The following BAG3 variants were observed in gnomAD, a reference collection of about 807,000 sequenced individuals.
The protein encoded by BAG3 is BAG cochaperone 3, also known as BAG family molecular chaperone regulator 3.
A neutral mutation model predicts 40.5 loss-of-function variants in BAG3; 14 were observed. The ratio of observed to expected loss-of-function variants is 0.35; its 90% CI spans 0.23 to 0.54. The LOEUF (loss-of-function observed/expected upper bound fraction) is 0.54, where lower values mean the gene tolerates loss of function less well. BAG3 is among the 20% of genes least tolerant of loss of function. BAG3 has a pLI of 0.91. For missense variants in BAG3, 788 were observed against 758.6 expected (o/e 1.04, Z -0.46); for synonymous variants, 302 against 307.8 (o/e 0.98, Z 0.20).
At position 119,651,415 on chromosome 10, in the gene BAG3, C is replaced by G. The variant is rs892192728; in HGVS notation, c.-261C>G. On this transcript the variant is annotated 5_prime_UTR_variant, in exon 1 of 4. Coordinates refer to ENST00000369085, the MANE Select transcript of BAG3 (RefSeq NM_004281.4). ...CCGGGCCGCGGCCAACTTCTCTGGACTGGACCAGAAGTTTCTAGCCGGCCA... is the reference window on the plus strand; with the variant it reads ...CCGGGCCGCGGCCAACTTCTCTGGAGTGGACCAGAAGTTTCTAGCCGGCCA... 9.0e-5 allele frequency: 34 copies of G among 378,558 alleles called. No individual in the cohort carries two copies. The East Asian group carries it at 1.5e-3, about 16-fold the overall frequency. The allele number at this position is 378,558 out of a possible 1,614,324, so 23.4% of individuals were successfully genotyped here.
chr10:119,662,215 G>GT (rs367864009), intron 1 of BAG3, among the ~76,000 whole-genome samples: 17,308 of 89,352 alleles, frequency 0.19, 2,552 homozygotes, highest in Non-Finnish European at 0.23. Context: ...GCCTGGCTAT[G>GT]TTTTTTTTTT....
At position 119,665,066 on chromosome 10, in the gene BAG3, C is replaced by T. The variant is rs180715839; in HGVS notation, c.181-4785C>T. Reference sequence around the variant, plus strand: ...CCGAGTAGCTGGGATTACAGGCACCCGCCACCACACACAGCTAATTTTTGT... The same window carrying T: ...CCGAGTAGCTGGGATTACAGGCACCTGCCACCACACACAGCTAATTTTTGT... On this transcript the variant is annotated intron_variant, in intron 1 of 3. Transcript: ENST00000369085. Among the ~76,000 whole-genome samples the T allele has an allele frequency of 4.0e-3, 428 of 107,596 alleles. 5 individuals are homozygous for T. The highest frequency in any genetic ancestry group is 0.014 in the African/African-American group (390 of 27,618). The allele number at this position is 107,596 out of a possible 152,430, so 70.6% of individuals were successfully genotyped here. A position where few individuals can be genotyped will look rare whatever the true frequency, so the allele number is the denominator to read the frequency against.
At chr10:119,673,419 G>A (rs1847179614) in intron 3 of BAG3, among the ~76,000 whole-genome samples, 2 of 152,340 alleles carry the variant, frequency 1.3e-5, no homozygotes, top group Middle Eastern at 3.4e-3. Flanking sequence ...TGGCGGATTG[G>A]AAGCCGTGCT....
At chr10:119,676,157 T>C (rs1490015602) in intron 3 of BAG3, among the ~76,000 whole-genome samples, 1 of 151,604 alleles carries the variant, frequency 6.6e-6, no homozygotes, top group Non-Finnish European at 1.5e-5. Context: ...TTTTCATTTT[T>C]GAAAATTTTA....
intron 1 of BAG3, among the ~76,000 whole-genome samples, chr10:119,665,143 T>TTTTC (rs1564771840): frequency 1.8e-5 from 2 of 113,750 alleles, no homozygotes; most frequent in African/African-American, 6.9e-5. Flanking sequence ...TATATATATA[T>TTTTC]ATTTTTTTTT....
chr10:119,666,347 C>A (rs1177643831), intron 1 of BAG3, among the ~76,000 whole-genome samples: 1 of 152,192 alleles, frequency 6.6e-6, no homozygotes, highest in Non-Finnish European at 1.5e-5. Context: ...TGCTTCCCAC[C>A]ACTCTTCTGA....
chr10:119,677,472 G>C lies in BAG3; in HGVS notation c.*190G>C. 1.4e-6 allele frequency: 1 copy of C among 740,696 alleles called. No individual in the cohort carries two copies. The highest frequency in any genetic ancestry group is 2.2e-6 in the Non-Finnish European group (1 of 449,674). The allele number at this position is 740,696 out of a possible 1,614,324, so 45.9% of individuals were successfully genotyped here. ...TGCTTTTCTTCTATATTCTTACTCT[G>C]TACAAATAAAGAAGTTGCTTGTTGT... On this transcript the variant is annotated 3_prime_UTR_variant, in exon 4 of 4. Transcript: ENST00000369085.
intron 1 of BAG3, among the ~76,000 whole-genome samples, chr10:119,655,699 T>TG (rs929169078): frequency 2.0e-5 from 3 of 152,028 alleles, no homozygotes; most frequent in African/African-American, 7.2e-5. Context: ...AGTGATTTGT[T>TG]GGGGGGCAGA....
At chr10:119,660,239 C>T (rs1382447100) in intron 1 of BAG3, among the ~76,000 whole-genome samples, 2 of 152,238 alleles carry the variant, frequency 1.3e-5, no homozygotes, top group African/African-American at 4.8e-5. Flanking sequence ...CCTGGCTTTT[C>T]TCTCTAGGCC....
At chr10:119,665,092 T>TTGTGTGTGTGTGTGTG (rs1554876557) in intron 1 of BAG3, among the ~76,000 whole-genome samples, 1 of 87,970 alleles carries the variant, frequency 1.1e-5, no homozygotes, top group Non-Finnish European at 2.3e-5. Context: ...TAATTTTTGT[T>TTGTGTGTGTGTGTGTG]TGTGTGTGTG....
At chr10:119,667,883 C>T (rs1274543000) in intron 1 of BAG3, among the ~76,000 whole-genome samples, 1 of 152,222 alleles carries the variant, frequency 6.6e-6, no homozygotes, top group African/African-American at 2.4e-5. Context: ...GCTCCGATTT[C>T]GGCTGGAAGG....
chr10:119,674,967 G>A (rs539062929), intron 3 of BAG3, among the ~76,000 whole-genome samples: 6 of 143,060 alleles, frequency 4.2e-5, no homozygotes, highest in African/African-American at 1.3e-4. Flanking sequence ...ACAGAGCGAG[G>A]CTCCGTCTCA....
intron 3 of BAG3, among the ~76,000 whole-genome samples, chr10:119,673,136 G>A (rs555284355): frequency 5.0e-4 from 76 of 152,274 alleles, no homozygotes; most frequent in Middle Eastern, 3.4e-3. Context: ...TGCCCGCACA[G>A]TATAGGTTCT....
At chr10:119,669,409 A>G (rs542819074) in intron 1 of BAG3, among the ~76,000 whole-genome samples, 1 of 152,142 alleles carries the variant, frequency 6.6e-6, no homozygotes, top group South Asian at 2.1e-4. Context: ...CAAGCTCTAT[A>G]TTGCTGGGAA....
chr10:119,665,134 A>G (rs144665381), intron 1 of BAG3, among the ~76,000 whole-genome samples: 1,318 of 58,692 alleles, frequency 0.022, 22 homozygotes, highest in African/African-American at 0.044. Flanking sequence ...GTGTATATAT[A>G]TATATATATA....
chr10:119,675,778 TCCCCCTC>T (rs777277398), intron 3 of BAG3, among the ~76,000 whole-genome samples: 164 of 61,436 alleles, frequency 2.7e-3, no homozygotes, highest in Middle Eastern at 0.012. Flanking sequence ...CCTCCTTCCC[TCCCCCTC>T]CCTTCCCCCC....
At chr10:119,669,746 G>A (rs953898082) in intron 1 of BAG3, 105 bp from the exon 2 acceptor site, 129 of 1,202,370 alleles carry the variant, frequency 1.1e-4, no homozygotes, top group Non-Finnish European at 1.3e-4. Context: ...TGAGGCCCAA[G>A]TCACTCGGGA....
chr10:119,673,041 A>G (rs196329), intron 3 of BAG3, among the ~76,000 whole-genome samples: 115,258 of 151,856 alleles, frequency 0.76, 43,990 homozygotes, highest in Non-Finnish European at 0.78. Context: ...GTCACCTTCC[A>G]CTCAGTTACC....
At position 119,676,742 on chromosome 10, in the gene BAG3, A is replaced by G. The variant is rs1847242410; in HGVS notation, c.1188A>G (p.Ala396=). The change falls in exon 4 of 4, where the codon GCA becomes GCG. Residue 396 remains alanine, a synonymous_variant. Transcript: ENST00000369085. Reference sequence around the variant, plus strand: ...AGAGTGTGGCTACAGAAGAGAGGGCAGCCCCCAGCACTGCCCCTGCAGAAG... The same window carrying G: ...AGAGTGTGGCTACAGAAGAGAGGGCGGCCCCCAGCACTGCCCCTGCAGAAG... The part of the protein sequence containing the change: ...SPKSVATEER[A]APSTAPAEAT... 2.5e-6 allele frequency: 4 copies of G among 1,614,100 alleles called. No individual in the cohort carries two copies. Among genetic ancestry groups the G allele is most frequent in the South Asian group, 1.1e-5 (1 of 91,080 alleles).
Sources: gnomAD v4.1 joint callset for allele counts (sites outside exome capture counted in the v4.1 genomes callset) on GRCh38, gnomAD v4.1.1 for gene constraint, MANE v1.5 for transcripts, NCBI Gene and HGNC (gene_info 2026-07-23, HGNC 2026-07-21) for gene names.